NIF3L1: variants seen among roughly 807,000 people sequenced by gnomAD.
The protein encoded by NIF3L1 is NGG1 interacting factor 3 like 1, also known as NIF3-like protein 1.
In NIF3L1, 26 loss-of-function variants were observed where a neutral mutation model predicts 35.0. The observed-to-expected ratio is 0.74, with a 90% CI of 0.54 to 1.03. NIF3L1 has a LOEUF of 1.03. Ranked by LOEUF, NIF3L1 falls within the 50% of genes least tolerant of loss-of-function variation. The pLI is 0.00. For synonymous variants in NIF3L1, 157 were observed against 178.9 expected (o/e 0.88, Z 0.98); for missense variants, 449 against 466.3 (o/e 0.96, Z 0.34).
chr2:200,896,396 T>C (rs1335504751), intron 4 of NIF3L1, among the ~76,000 whole-genome samples: 2 of 152,148 alleles, frequency 1.3e-5, no homozygotes, highest in African/African-American at 2.4e-5. Context: ...ACCTCTGTCC[T>C]GCCACACTGC....
At chr2:200,900,566 T>C (rs2040396248) in intron 6 of NIF3L1, among the ~76,000 whole-genome samples, 1 of 152,222 alleles carries the variant, frequency 6.6e-6, no homozygotes, top group Non-Finnish European at 1.5e-5. Context: ...CTCAAAGCAT[T>C]GTCACATCCT....
intron 1 of NIF3L1, among the ~76,000 whole-genome samples, 154 bp downstream of exon 1, chr2:200,889,806 A>C (rs2040130594): frequency 6.6e-6 from 1 of 152,164 alleles, no homozygotes. Flanking sequence ...TAAGGAGGAA[A>C]CTGCACAGGA....
chr2:200,895,534 G>A, intron 4 of NIF3L1, 144 bp downstream of exon 4: 5 of 790,428 alleles, frequency 6.3e-6, no homozygotes, highest in Non-Finnish European at 8.0e-6. Context: ...GTACATATTT[G>A]ATGTGTACAA....
In NIF3L1 at chr2:200,903,602, T is replaced by G. The variant is rs749928883; in HGVS notation, c.1058T>G (p.Met353Arg). The change falls in exon 7 of 7, where the codon ATG (methionine) becomes AGG (arginine). Residue 353 changes from methionine (M) to arginine (R), a missense_variant. Physicochemically the swap from Met to Arg is moderately conservative, Grantham distance 91 (BLOSUM62 -1). Coordinates refer to ENST00000409020, the MANE Select transcript of NIF3L1 (RefSeq NM_001369441.2). The part of the protein sequence containing the change: ...ERGFLSDLRD[M>R]LDSHLENKIN... ...GGCTTTCTTTCTGACCTTCGAGATA[T>G]GCTGGATTCTCACTTGGAGAATAAG... 1.9e-6 allele frequency: 3 copies of G among 1,613,966 alleles called. No homozygotes were observed. The highest frequency in any genetic ancestry group is 1.7e-5 in the Admixed American group (1 of 60,020).
chr2:200,893,211 C>T, intron 2 of NIF3L1, 35 bp from the exon 3 acceptor site: 2 of 1,456,358 alleles, frequency 1.4e-6, no homozygotes, highest in Non-Finnish European at 9.1e-7. Flanking sequence ...CTCTCACCCC[C>T]CAAAACTCCC....
chr2:200,893,208 C>A, intron 2 of NIF3L1, 38 bp from the exon 3 acceptor site: 1 of 1,428,880 alleles, frequency 7.0e-7, no homozygotes, highest in Non-Finnish European at 9.3e-7. Flanking sequence ...AATCTCTCAC[C>A]CCCCAAAACT....
At chr2:200,894,448 T>G (rs1183469644) in intron 3 of NIF3L1, among the ~76,000 whole-genome samples, 1 of 152,000 alleles carries the variant, frequency 6.6e-6, no homozygotes, top group Non-Finnish European at 1.5e-5. Flanking sequence ...TTGCCCAGGT[T>G]GGAGTGCAGT....
intron 5 of NIF3L1, among the ~76,000 whole-genome samples, chr2:200,898,411 C>T (rs1475366945): frequency 1.3e-5 from 2 of 152,138 alleles, no homozygotes; most frequent in African/African-American, 4.8e-5. Flanking sequence ...CGCATTATCA[C>T]AAGAACAGCA....
chr2:200,890,928 A>T (rs1162992103), intron 1 of NIF3L1, among the ~76,000 whole-genome samples: 1 of 147,976 alleles, frequency 6.8e-6, no homozygotes, highest in East Asian at 2.0e-4. Flanking sequence ...TTTGATTCTG[A>T]TAAAGCACTT....
Position 200,892,326 on chromosome 2 carries a change from C to T in NIF3L1, c.383C>T (p.Thr128Ile), listed in dbSNP as rs761036956. 219 of 1,613,176 alleles carry T rather than the reference C, an allele frequency of 1.4e-4. 1 individual carries two copies. The highest frequency in any genetic ancestry group is 6.3e-4 in the Admixed American group (38 of 60,012). ...AGAGTCGGTATCTACTCTCCTCATACAGCCTATGATGCTGCGCCCCAGGGC... is the reference window on the plus strand; with the variant it reads ...AGAGTCGGTATCTACTCTCCTCATATAGCCTATGATGCTGCGCCCCAGGGC... Reference protein sequence around the residue: ...ENRVGIYSPHTAYDAAPQGVN... With the variant: ...ENRVGIYSPHIAYDAAPQGVN... The change falls in exon 2 of 7, where the codon ACA becomes ATA. Residue 128 changes from threonine (T) to isoleucine (I), a missense_variant. By Grantham distance (89) the Thr-to-Ile change is moderately conservative. Coordinates refer to ENST00000409020, the MANE Select transcript of NIF3L1 (RefSeq NM_001369441.2).
At chr2:200,901,491 A>G (rs2040409634) in intron 6 of NIF3L1, among the ~76,000 whole-genome samples, 2 of 152,182 alleles carry the variant, frequency 1.3e-5, no homozygotes, top group Non-Finnish European at 2.9e-5. Context: ...GGCTGTGGGG[A>G]GAAATAGAAA....
chr2:200,898,714 GCTAAATACTT>G (rs1356698070), intron 5 of NIF3L1, among the ~76,000 whole-genome samples: 2 of 152,206 alleles, frequency 1.3e-5, no homozygotes, highest in Non-Finnish European at 2.9e-5. Flanking sequence ...AAACCCAAGT[GCTAAATACTT>G]GGATTTTGGC....
Position 200,893,308 on chromosome 2 carries a change from C to T in NIF3L1, c.499C>T (p.His167Tyr), listed in dbSNP as rs2040238549. Residue 167 changes from histidine to tyrosine, a missense_variant, in exon 3 of 7, where the codon CAC becomes TAC. Coordinates refer to ENST00000409020, the MANE Select transcript of NIF3L1 (RefSeq NM_001369441.2). ...KAPNYPTEGNHRVEFNVNYTQ... is the reference protein window; with the variant it reads ...KAPNYPTEGNYRVEFNVNYTQ... ...TCCCAACTACCCTACAGAGGGAAAC[C>T]ACCGAGTAGAATTCAACGTTAACTA... 1 of 1,608,766 alleles carries T rather than the reference C, an allele frequency of 6.2e-7. No homozygotes were observed. The highest frequency in any genetic ancestry group is 1.3e-5 in the African/African-American group (1 of 74,630).
intron 4 of NIF3L1, 48 bp from the exon 5 acceptor site, chr2:200,897,028 T>C: frequency 2.5e-6 from 4 of 1,593,686 alleles, no homozygotes; most frequent in Non-Finnish European, 3.4e-6. Context: ...GCATTTGTTG[T>C]TTTAGGACTA....
chr2:200,898,608 G>A (rs1472051139), intron 5 of NIF3L1, among the ~76,000 whole-genome samples: 1 of 152,170 alleles, frequency 6.6e-6, no homozygotes, highest in East Asian at 1.9e-4. Context: ...AAAATGGATA[G>A]CAGAGGTGGG....
chr2:200,894,129 G>A (rs765992375), intron 3 of NIF3L1, among the ~76,000 whole-genome samples: 57 of 148,936 alleles, frequency 3.8e-4, no homozygotes, highest in Non-Finnish European at 2.2e-4. Context: ...AGCCGAGATC[G>A]CGCCACTGCA....
chr2:200,893,154 C>T, intron 2 of NIF3L1, 92 bp from the exon 3 acceptor site: 1 of 966,364 alleles, frequency 1.0e-6, no homozygotes, highest in Non-Finnish European at 1.5e-6. Flanking sequence ...TTTAAAAAGT[C>T]ATTTCTTAGA....
chr2:200,891,073 G>A (rs569011842), intron 1 of NIF3L1, among the ~76,000 whole-genome samples: 1 of 151,054 alleles, frequency 6.6e-6, no homozygotes, highest in East Asian at 2.0e-4. Flanking sequence ...ATTCTCCTGC[G>A]TCAGCCTCCC....
At chr2:200,901,240 C>T (rs1233764081) in intron 6 of NIF3L1, among the ~76,000 whole-genome samples, 1 of 152,182 alleles carries the variant, frequency 6.6e-6, no homozygotes, top group Non-Finnish European at 1.5e-5. Context: ...CCAATGATCT[C>T]ACATTGCATT....
Sources: gnomAD v4.1 joint callset for allele counts (sites outside exome capture counted in the v4.1 genomes callset) on GRCh38, gnomAD v4.1.1 for gene constraint, MANE v1.5 for transcripts, NCBI Gene and HGNC (gene_info 2026-07-23, HGNC 2026-07-21) for gene names.